Variants in CNTNAP4 observed in about 807,000 individuals in gnomAD.
CNTNAP4 encodes contactin-associated protein-like 4.
A neutral mutation model predicts 148.4 loss-of-function variants in CNTNAP4; 98 were observed. That is an observed-to-expected ratio of 0.66 (90% CI 0.56 to 0.78). CNTNAP4 has a LOEUF of 0.78. CNTNAP4 is among the 30% of genes least tolerant of loss of function. CNTNAP4 has a pLI of 0.00. For missense variants in CNTNAP4, 1,935 were observed against 1,565.6 expected (o/e 1.24, Z -3.98); for synonymous variants, 730 against 565.1 (o/e 1.29, Z -4.14).
chr16:76,470,796 A>C (rs1287078120), intron 10 of CNTNAP4, among the ~76,000 whole-genome samples: 2 of 152,184 alleles, frequency 1.3e-5, no homozygotes, highest in African/African-American at 4.8e-5. Flanking sequence ...GTGTAAATAC[A>C]AATACACACA....
chr16:76,548,295 C>CTTTTTTTTT (rs66981960), intron 21 of CNTNAP4, among the ~76,000 whole-genome samples: 1 of 92,908 alleles, frequency 1.1e-5, no homozygotes, highest in Non-Finnish European at 2.1e-5. Context: ...TTCACTGCAC[C>CTTTTTTTTT]TTTTTTTTTT....
chr16:76,371,037 G>T (rs1390357959), intron 3 of CNTNAP4, among the ~76,000 whole-genome samples: 10 of 152,126 alleles, frequency 6.6e-5, no homozygotes, highest in Non-Finnish European at 2.9e-5. Flanking sequence ...TTGGTTTAGG[G>T]TCATTTTTGC....
At chr16:76,526,244 G>A (rs529991955) in intron 17 of CNTNAP4, among the ~76,000 whole-genome samples, 1 of 152,032 alleles carries the variant, frequency 6.6e-6, no homozygotes, top group Non-Finnish European at 1.5e-5. Flanking sequence ...TCAAAGTGGT[G>A]GGAATAAGCT....
chr16:76,315,913 G>A (rs1030736213), intron 1 of CNTNAP4, among the ~76,000 whole-genome samples: 2 of 152,086 alleles, frequency 1.3e-5, no homozygotes, highest in African/African-American at 2.4e-5. Flanking sequence ...AAGTCTGATC[G>A]TGCCTTGTGT....
At chr16:76,476,587 T>A (rs1490109624) in intron 11 of CNTNAP4, among the ~76,000 whole-genome samples, 3 of 152,194 alleles carry the variant, frequency 2.0e-5, no homozygotes, top group Non-Finnish European at 4.4e-5. Context: ...CTCACCATTC[T>A]GGAGGCTGAG....
intron 2 of CNTNAP4, among the ~76,000 whole-genome samples, chr16:76,325,368 A>G (rs1168101287): frequency 6.6e-6 from 1 of 152,176 alleles, no homozygotes; most frequent in Non-Finnish European, 1.5e-5. Flanking sequence ...ACACATTCTT[A>G]TTAAGTATAC....
At chr16:76,301,778 G>A (rs981096321) in intron 1 of CNTNAP4, among the ~76,000 whole-genome samples, 1 of 152,126 alleles carries the variant, frequency 6.6e-6, no homozygotes, top group Admixed American at 6.6e-5. Context: ...TGAGGCTTAG[G>A]GATGTTTATG....
intron 3 of CNTNAP4, among the ~76,000 whole-genome samples, chr16:76,373,897 C>CA (rs71382634): frequency 0.22 from 24,176 of 111,928 alleles, 2,880 homozygotes; most frequent in East Asian, 0.41. Context: ...CTCCATCTCA[C>CA]AAAAAAAAAA....
chr16:76,279,121 C>T (rs1958590802), intron 1 of CNTNAP4, among the ~76,000 whole-genome samples: 2 of 152,126 alleles, frequency 1.3e-5, no homozygotes, highest in Middle Eastern at 3.2e-3. Context: ...ATAACAACAA[C>T]ACCCACACAC....
rs1343558644 is a variant in CNTNAP4 at position 76,437,745 on chromosome 16, A to G, written c.538+10146A>G. Among the ~76,000 whole-genome samples, 3 of 152,134 alleles carry G rather than the reference A, an allele frequency of 2.0e-5. No individual in the cohort carries two copies. In the East Asian group the frequency reaches 5.8e-4, roughly 29 times the overall value. Reference sequence around the variant, plus strand: ...AGGTAACCAGATAGAAGAGAGGAGTATCTCTTTAATTAAATATTTTAGGTA... The same window carrying G: ...AGGTAACCAGATAGAAGAGAGGAGTGTCTCTTTAATTAAATATTTTAGGTA... On this transcript the variant is annotated intron_variant, in intron 4 of 23. Transcript: ENST00000611870.
intron 3 of CNTNAP4, among the ~76,000 whole-genome samples, chr16:76,374,166 G>T (rs142874259): frequency 6.6e-6 from 1 of 152,246 alleles, no homozygotes; most frequent in East Asian, 1.9e-4. Context: ...TTCTTTTTCA[G>T]TAAGTGAGAG....
chr16:76,326,780 C>T (rs1240471880), intron 2 of CNTNAP4, among the ~76,000 whole-genome samples: 2 of 148,718 alleles, frequency 1.3e-5, no homozygotes, highest in Non-Finnish European at 3.0e-5. Flanking sequence ...AGGGGAACAT[C>T]ACACACCGGG....
rs76613593 is a variant in CNTNAP4, at chr16:76,277,808, G to T, written c.85+61G>T. ...GGGCTCTCTGCAAAACTTTGATTCT[G>T]TTGGTTTGATGATGATTATTTGCAG... On this transcript the variant is annotated intron_variant, in intron 1 of 23. Transcript: ENST00000611870. 2,753 of 1,036,946 alleles carry T rather than the reference G, an allele frequency of 2.7e-3. 35 individuals are homozygous for T. In the African/African-American group the frequency reaches 0.038, roughly 14 times the overall value. 64.2% of individuals were successfully genotyped at this position (1,036,946 alleles called of 1,614,324 possible).
At chr16:76,420,029 T>G (rs1171382344) in intron 3 of CNTNAP4, among the ~76,000 whole-genome samples, 1 of 151,912 alleles carries the variant, frequency 6.6e-6, no homozygotes, top group Non-Finnish European at 1.5e-5. Flanking sequence ...GGGTGCAATT[T>G]ATTCTATAGC....
chr16:76,454,639 T>G (rs987751979), intron 8 of CNTNAP4, among the ~76,000 whole-genome samples: 2 of 152,196 alleles, frequency 1.3e-5, no homozygotes, highest in African/African-American at 4.8e-5. Flanking sequence ...GTGAAGCAAG[T>G]ACATTTTGCA....
rs1215976107 is a variant in CNTNAP4, at chr16:76,284,634, C to A, written c.85+6887C>A. ...TTGTATCTCTAAATAACAAAAATGT[C>A]ATTGACTGTTGAATTGTCTTCTTAT... On this transcript the variant is annotated intron_variant, in intron 1 of 23. Transcript: ENST00000611870. 3.3e-5 allele frequency among the ~76,000 whole-genome samples: 5 copies of A among 151,934 alleles called. No individual in the cohort carries two copies. The East Asian group carries it at 9.6e-4, about 29-fold the overall frequency.
chr16:76,306,860 T>C (rs1960529119), intron 1 of CNTNAP4, among the ~76,000 whole-genome samples: 1 of 152,198 alleles, frequency 6.6e-6, no homozygotes, highest in African/African-American at 2.4e-5. Context: ...GCAGTTCTGT[T>C]GTGAAGGGGA....
intron 3 of CNTNAP4, among the ~76,000 whole-genome samples, chr16:76,415,632 A>G (rs555970396): frequency 4.7e-4 from 61 of 129,550 alleles, no homozygotes; most frequent in Non-Finnish European, 1.0e-3. Context: ...TGATAAATGT[A>G]AACACCTGTT....
intron 2 of CNTNAP4, among the ~76,000 whole-genome samples, chr16:76,344,163 T>A (rs1964717163): frequency 6.6e-6 from 1 of 152,164 alleles, no homozygotes; most frequent in Non-Finnish European, 1.5e-5. Context: ...TGTATGTATA[T>A]GTACACTGGG....
Sources: gnomAD v4.1 joint callset for allele counts (sites outside exome capture counted in the v4.1 genomes callset) on GRCh38, gnomAD v4.1.1 for gene constraint, MANE v1.5 for transcripts, NCBI Gene and HGNC (gene_info 2026-07-23, HGNC 2026-07-21) for gene names.